Variants in EFCAB6 observed in about 807,000 individuals in gnomAD.
EFCAB6 encodes EF-hand calcium-binding domain-containing protein 6.
A neutral mutation model predicts 169.8 loss-of-function variants in EFCAB6; 156 were observed. That is an observed-to-expected ratio of 0.92 (90% confidence interval 0.81 to 1.05). EFCAB6 has a LOEUF of 1.05. Ranked by LOEUF, EFCAB6 falls within the 50% of genes least tolerant of loss-of-function variation. The pLI is 0.00. For missense variants in EFCAB6, 1,800 were observed against 1,829.1 expected, an observed-to-expected ratio of 0.98 and a Z score of 0.29; for synonymous variants, 698 against 676.4, an observed-to-expected ratio of 1.03 and a Z score of -0.50.
At chr22:43,586,012 T>C (rs2051041077) in intron 24 of EFCAB6, among the ~76,000 whole-genome samples, 1 of 152,064 alleles carries the variant, frequency 6.6e-6, no homozygotes, top group Admixed American at 6.6e-5. Context: ...CTTCAAGAAA[T>C]GTAAAAAGAC....
intron 26 of EFCAB6, among the ~76,000 whole-genome samples, chr22:43,559,498 AATCCCATTACTGGGTAT>A (rs2048901215): frequency 6.6e-6 from 1 of 152,198 alleles, no homozygotes; most frequent in African/African-American, 2.4e-5. Context: ...TTGACCCAGC[AATCCCATTACTGGGTAT>A]ATACCCAAAG....
In EFCAB6 at chr22:43,565,839, A is replaced by G. The variant is rs74759813; in HGVS notation, c.3420+10458T>C. 6.0e-3 allele frequency among the ~76,000 whole-genome samples: 919 copies of G among 152,272 alleles called. 13 individuals carry two copies. Among genetic ancestry groups the G allele is most frequent in the African/African-American group, 0.021 (873 of 41,550 alleles). On this transcript the variant is annotated intron_variant, in intron 26 of 31. Coordinates refer to ENST00000262726, the MANE Select transcript of EFCAB6 (RefSeq NM_022785.4). ...ACTCCTAATTAGAAACACTGAGTAAAGAATTCCTCACTTCCTTTTAAAGAA... is the reference window on the plus strand; with the variant it reads ...ACTCCTAATTAGAAACACTGAGTAAGGAATTCCTCACTTCCTTTTAAAGAA...
chr22:43,774,343 C>T (rs8136278), intron 3 of EFCAB6, among the ~76,000 whole-genome samples: 2,522 of 150,654 alleles, frequency 0.017, 75 homozygotes, highest in African/African-American at 0.059. Flanking sequence ...TGAGGGGATA[C>T]AAGAGACAAC....
chr22:43,634,559 A>G (rs2055233996), intron 18 of EFCAB6, among the ~76,000 whole-genome samples: 1 of 152,006 alleles, frequency 6.6e-6, no homozygotes, highest in East Asian at 1.9e-4. Context: ...CAGCTTCTCT[A>G]GAGGGCTTGT....
At chr22:43,606,326 C>A (rs1192949761) in intron 22 of EFCAB6, among the ~76,000 whole-genome samples, 1 of 152,194 alleles carries the variant, frequency 6.6e-6, no homozygotes, top group Non-Finnish European at 1.5e-5. Flanking sequence ...GTGTCTTTGG[C>A]GATGAGCTCT....
rs193225583 is a variant in EFCAB6, at chr22:43,727,443, T to A, written c.757+4256A>T. Among the ~76,000 whole-genome samples, 209 of 152,088 alleles carry A rather than the reference T, an allele frequency of 1.4e-3. No individual in the cohort carries two copies. The Middle Eastern group carries it at 0.02, about 15-fold the overall frequency. On this transcript the variant is annotated intron_variant, in intron 8 of 31. Transcript: ENST00000262726. The stretch of plus-strand genomic sequence containing the variant: ...ACCCTGTCTCAAAAAGAAAAAAAAA[T>A]TTTTAAGCATTTAAAAATTCTTAAA...
chr22:43,531,110 G>C (rs1051535754), intron 30 of EFCAB6, 146 bp from the exon 31 acceptor site: 25 of 1,113,352 alleles, frequency 2.2e-5, no homozygotes, highest in Non-Finnish European at 3.2e-5. Flanking sequence ...CGAGGAGGGA[G>C]CCTGCCAGAA....
rs565404421 is a variant in EFCAB6 at position 43,740,729 on chromosome 22, C to T, written c.508-4736G>A. Among the ~76,000 whole-genome samples, 14 of 152,296 alleles carry T rather than the reference C, an allele frequency of 9.2e-5. No homozygotes were observed. The South Asian group carries it at 1.2e-3, about 14-fold the overall frequency. ...GGAAAGGCACCGGCAGAAGCAAAGC[C>T]GGCTCCAGTGCCTCTGTCCTCCACT... On this transcript the variant is annotated intron_variant, in intron 6 of 31. Coordinates refer to ENST00000262726, the MANE Select transcript of EFCAB6 (RefSeq NM_022785.4).
Position 43,540,290 on chromosome 22 carries a change from C to T in EFCAB6, c.3716G>A (p.Ser1239Asn). Residue 1239 changes from serine to asparagine, a missense_variant, in exon 28 of 32, where the codon AGC (serine) becomes AAC (asparagine). Physicochemically the swap from Ser to Asn is conservative, Grantham distance 46. Transcript: ENST00000262726. ...GGCTGCTGTCTCGGAACTGAACCTG[C>T]TCAGGAAGTCCGGGTATTTCAGCCT... ...KGRLKYPDFL[S>N]RFSSETAATP... 6.2e-7 allele frequency: 1 copy of T among 1,614,242 alleles called. No individual in the cohort carries two copies. The highest frequency in any genetic ancestry group is 8.5e-7 in the Non-Finnish European group (1 of 1,180,048).
chr22:43,642,895 C>T (rs1033416290), intron 17 of EFCAB6, among the ~76,000 whole-genome samples: 3 of 152,194 alleles, frequency 2.0e-5, no homozygotes, highest in Admixed American at 1.3e-4. Flanking sequence ...AACAGGAATA[C>T]TGTGAAGAAC....
intron 29 of EFCAB6, 183 bp from the exon 30 acceptor site, chr22:43,535,055 G>A (rs1044276938): frequency 3.4e-5 from 21 of 617,558 alleles, no homozygotes; most frequent in Admixed American, 1.3e-4. Context: ...ACTAAGTGCC[G>A]CAGGGAGGGG....
intron 3 of EFCAB6, among the ~76,000 whole-genome samples, chr22:43,781,870 T>C (rs533362722): frequency 2.0e-5 from 3 of 152,096 alleles, no homozygotes; most frequent in African/African-American, 7.2e-5. Flanking sequence ...CTAAAACTGC[T>C]AAAAAAAATT....
intron 27 of EFCAB6, among the ~76,000 whole-genome samples, chr22:43,543,169 C>T (rs765728985): frequency 5.3e-5 from 8 of 152,162 alleles, no homozygotes; most frequent in African/African-American, 1.7e-4. Context: ...CAAGGAGAGC[C>T]GGACTTGCCA....
In EFCAB6 at chr22:43,745,433, G is replaced by A. The variant is rs73436221; in HGVS notation, c.508-9440C>T. Among the ~76,000 whole-genome samples, 1,408 of 152,290 alleles carry A rather than the reference G, an allele frequency of 9.2e-3. 24 individuals are homozygous for A. Among genetic ancestry groups the A allele is most frequent in the African/African-American group, 0.033 (1,356 of 41,572 alleles). On this transcript the variant is annotated intron_variant, in intron 6 of 31. Transcript: ENST00000262726. ...TACAATTTCATTCTTATTGGCTTCC[G>A]TGTAGCTGTTTTCTGTGCAGCTCCT... is the stretch of plus-strand genomic sequence containing the variant.
chr22:43,779,677 T>C (rs1197128048), intron 3 of EFCAB6, among the ~76,000 whole-genome samples: 1 of 151,956 alleles, frequency 6.6e-6, no homozygotes, highest in Admixed American at 6.6e-5. Context: ...GAGACGGAGC[T>C]TGCAGTGAGC....
chr22:43,670,350 G>A (rs1469469716), intron 15 of EFCAB6, among the ~76,000 whole-genome samples: 1 of 152,192 alleles, frequency 6.6e-6, no homozygotes, highest in Non-Finnish European at 1.5e-5. Flanking sequence ...GAGACCAAAA[G>A]TGCTGAGAAC....
At chr22:43,561,842 A>G (rs931062171) in intron 26 of EFCAB6, among the ~76,000 whole-genome samples, 2 of 152,102 alleles carry the variant, frequency 1.3e-5, no homozygotes, top group South Asian at 4.1e-4. Flanking sequence ...AAAAGACACC[A>G]CTATCTTCAG....
At chr22:43,806,679 G>A (rs1024151624) in intron 2 of EFCAB6, among the ~76,000 whole-genome samples, 1 of 152,182 alleles carries the variant, frequency 6.6e-6, no homozygotes, top group South Asian at 2.1e-4. Context: ...ACACCACGTA[G>A]TTCCTCACTT....
intron 27 of EFCAB6, among the ~76,000 whole-genome samples, chr22:43,540,858 C>G (rs2047673960): frequency 6.6e-6 from 1 of 152,132 alleles, no homozygotes; most frequent in African/African-American, 2.4e-5. Flanking sequence ...CAAAAAATGT[C>G]TTCTCACAAG....
Sources: gnomAD v4.1 joint callset for allele counts (sites outside exome capture counted in the v4.1 genomes callset) on GRCh38, gnomAD v4.1.1 for gene constraint, MANE v1.5 for transcripts, NCBI Gene and HGNC (gene_info 2026-07-23, HGNC 2026-07-21) for gene names.